The following FOXN3 variants were observed in gnomAD, a reference collection of about 807,000 sequenced individuals.
FOXN3 encodes the protein forkhead box protein N3.
In FOXN3, 7 loss-of-function variants were observed where a neutral mutation model predicts 38.4. The ratio of observed to expected loss-of-function variants is 0.18; its 90% confidence interval spans 0.10 to 0.34. The LOEUF is 0.34. FOXN3 is among the 10% of genes least tolerant of loss of function. FOXN3 has a pLI of 1.00. For missense variants in FOXN3, 456 were observed against 613.4 expected, an observed-to-expected ratio of 0.74 and a Z score of 2.71; for synonymous variants, 230 against 242.2, an observed-to-expected ratio of 0.95 and a Z score of 0.47.
Position 89,163,993 on chromosome 14 carries a change from G to A in FOXN3, c.852-1024C>T, listed in dbSNP as rs959404356. Among the ~76,000 whole-genome samples, 1 of 152,220 alleles carries A rather than the reference G, an allele frequency of 6.6e-6. No homozygotes were observed. The highest frequency in any genetic ancestry group is 6.5e-5 in the Admixed American group (1 of 15,286). ...TATTTCTTTGTGTCTTTACATCTGA[G>A]CGATGTACTTTCCTTGTGCTTCCTT... On this transcript the variant is annotated intron_variant, in intron 5 of 5. Coordinates refer to ENST00000557258, the MANE Select transcript of FOXN3 (RefSeq NM_005197.4). The surrounding 1 kb of genome is among the most constrained non-coding windows in gnomAD (Gnocchi z 4.3).
At chr14:89,383,276 C>T (rs61984671) in intron 2 of FOXN3, among the ~76,000 whole-genome samples, 10,267 of 151,984 alleles carry the variant, frequency 0.068, 700 homozygotes, top group African/African-American at 0.18. Context: ...ACATGTGACA[C>T]GGCAAAAAAG....
chr14:89,423,029 G>A (rs558106511), intron 1 of FOXN3, among the ~76,000 whole-genome samples: 144 of 152,272 alleles, frequency 9.5e-4, no homozygotes, highest in African/African-American at 3.2e-3. Context: ...AATTAATTCC[G>A]TCAACAAGTA....
chr14:89,476,614 A>G (rs908226182), intron 1 of FOXN3, among the ~76,000 whole-genome samples: 1 of 152,284 alleles, frequency 6.6e-6, no homozygotes, highest in East Asian at 1.9e-4. Flanking sequence ...CCACATAAAC[A>G]TATTCACTAG....
At chr14:89,450,528 ATAG>A (rs1892593801) in intron 1 of FOXN3, among the ~76,000 whole-genome samples, 1 of 152,090 alleles carries the variant, frequency 6.6e-6, no homozygotes, top group Non-Finnish European at 1.5e-5. Context: ...AGGGGCAGGA[ATAG>A]CTCTTCTTTA....
chr14:89,580,257 T>A (rs1283295698), intron 1 of FOXN3, among the ~76,000 whole-genome samples: 1 of 152,188 alleles, frequency 6.6e-6, no homozygotes, highest in Non-Finnish European at 1.5e-5. Context: ...ATGAACAAAA[T>A]GAGTTTCTTA....
intron 3 of FOXN3, among the ~76,000 whole-genome samples, chr14:89,325,356 C>CACCACCACCACCACTACCACCACT (rs1555418118): frequency 2.2e-4 from 20 of 91,838 alleles, no homozygotes; most frequent in Non-Finnish European, 3.3e-4. Flanking sequence ...CCACCACCAC[C>CACCACCACCACCACTACCACCACT]ACCACTACCA....
intron 1 of FOXN3, among the ~76,000 whole-genome samples, chr14:89,506,000 AGCCACCCCGTCC>A (rs1239720887): frequency 1.3e-5 from 2 of 148,954 alleles, no homozygotes; most frequent in East Asian, 4.0e-4. Flanking sequence ...TCCGCCTGGC[AGCCACCCCGTCC>A]GGGAGGGAGG....
chr14:89,375,997 G>T (rs1890467626), intron 2 of FOXN3, among the ~76,000 whole-genome samples: 1 of 152,072 alleles, frequency 6.6e-6, no homozygotes, highest in Non-Finnish European at 1.5e-5. Flanking sequence ...TGGCCAGGCT[G>T]GTCTCAAACT....
intron 1 of FOXN3, among the ~76,000 whole-genome samples, chr14:89,465,265 CT>C: frequency 6.6e-6 from 1 of 152,094 alleles, no homozygotes; most frequent in Non-Finnish European, 1.5e-5. Flanking sequence ...GAGTCTTGCT[CT>C]GTTGCCAGGC....
intron 1 of FOXN3, among the ~76,000 whole-genome samples, chr14:89,487,823 T>C (rs1893480334): frequency 6.6e-6 from 1 of 152,136 alleles, no homozygotes; most frequent in South Asian, 2.1e-4. Flanking sequence ...AAGGAGACAT[T>C]TGTTTCTGTT....
At chr14:89,400,031 T>C (rs1891207005) in intron 2 of FOXN3, 1 of 152,168 alleles carries the variant, frequency 6.6e-6, no homozygotes, top group African/African-American at 2.4e-5. Flanking sequence ...AGTACATTTC[T>C]CTCCTGATAT....
Position 89,484,307 on chromosome 14 carries a change from TAAA to T in FOXN3, c.-14-71820_-14-71818del, listed in dbSNP as rs1566671706. 6.6e-6 allele frequency among the ~76,000 whole-genome samples: 1 copy of T among 152,214 alleles called. No homozygotes were observed. The highest frequency in any genetic ancestry group is 2.4e-5 in the African/African-American group (1 of 41,464). ...GCCAGGAGTTGGTAAGCTTTTCCCA[TAAA>T]AGACCATAGGGTAAATATTTCATGG... On this transcript the variant is annotated intron_variant, in intron 1 of 6. Coordinates refer to the FOXN3 transcript ENST00000345097. The surrounding 1 kb of genome is among the most constrained non-coding windows in gnomAD (Gnocchi z 4.0).
chr14:89,495,060 C>T (rs1893651328), intron 1 of FOXN3, among the ~76,000 whole-genome samples: 1 of 152,346 alleles, frequency 6.6e-6, no homozygotes, highest in South Asian at 2.1e-4. Context: ...CATTATTCAA[C>T]TGGTAAGCCG....
intron 4 of FOXN3, among the ~76,000 whole-genome samples, chr14:89,221,968 G>A (rs373769856): frequency 2.0e-5 from 3 of 152,064 alleles, no homozygotes; most frequent in African/African-American, 4.8e-5. Context: ...GACTACAGGC[G>A]CCCGCCACGG....
chr14:89,305,962 G>C (rs1887357050), intron 3 of FOXN3, among the ~76,000 whole-genome samples: 1 of 152,240 alleles, frequency 6.6e-6, no homozygotes, highest in Non-Finnish European at 1.5e-5. Context: ...AGGATGAAAA[G>C]AAGCAGCTGA....
intron 1 of FOXN3, among the ~76,000 whole-genome samples, chr14:89,591,320 C>T (rs1001958030): frequency 3.3e-5 from 5 of 152,116 alleles, no homozygotes; most frequent in African/African-American, 9.7e-5. Flanking sequence ...GGTAAGAGCC[C>T]GTGACCCTTG....
chr14:89,461,801 G>A (rs933133765), intron 1 of FOXN3, among the ~76,000 whole-genome samples: 2 of 152,094 alleles, frequency 1.3e-5, no homozygotes, highest in Non-Finnish European at 2.9e-5. Flanking sequence ...TAAGCAGGGA[G>A]CAAACTAGAA....
At chr14:89,340,781 T>TA in intron 3 of FOXN3, among the ~76,000 whole-genome samples, 1 of 152,194 alleles carries the variant, frequency 6.6e-6, no homozygotes, top group East Asian at 1.9e-4. Context: ...GTGATCATTT[T>TA]ATTCACACGG....
intron 4 of FOXN3, among the ~76,000 whole-genome samples, chr14:89,254,510 T>C (rs1269837387): frequency 6.6e-6 from 1 of 152,142 alleles, no homozygotes; most frequent in Non-Finnish European, 1.5e-5. Flanking sequence ...TGCTGCCCTG[T>C]AGCAAGGCAT....
Sources: gnomAD v4.1 joint callset for allele counts (sites outside exome capture counted in the v4.1 genomes callset) on GRCh38, gnomAD v4.1.1 for gene constraint, Gnocchi (gnomAD v3.1) non-coding constraint, MANE v1.5 for transcripts, NCBI Gene and HGNC (gene_info 2026-07-23, HGNC 2026-07-21) for gene names.